The following SETX variants were observed in gnomAD, a reference collection of about 807,000 sequenced individuals.
SETX encodes helicase senataxin.
SETX carries 90 observed loss-of-function variants against 227.2 expected under a neutral mutation model. The observed-to-expected ratio is 0.40, with a 90% CI of 0.33 to 0.47. The LOEUF (loss-of-function observed/expected upper bound fraction) is 0.47, where lower values mean the gene tolerates loss of function less well. SETX is among the 20% of genes least tolerant of loss of function. The probability of loss-of-function intolerance (pLI) is 0.91; values close to 1 mark genes in which losing one functional copy is unlikely to be tolerated. For synonymous variants in SETX, 1,210 were observed against 1,113.2 expected (o/e 1.09, Z -1.73); for missense variants, 3,052 against 3,181.5 (o/e 0.96, Z 0.98).
chr9:132,314,469 C>G (rs932271608), intron 10 of SETX, among the ~76,000 whole-genome samples: 2 of 152,174 alleles, frequency 1.3e-5, no homozygotes, highest in African/African-American at 2.4e-5. Context: ...GGTGATCTAC[C>G]CACCTCGGCC....
chr9:132,278,437 CTTTTTTTTTTTT>C lies in SETX; in HGVS notation c.6655-192_6655-181del, dbSNP rs67558000. 9.6e-3 allele frequency among the ~76,000 whole-genome samples: 810 copies of C among 84,798 alleles called. 1 individual carries two copies. Among genetic ancestry groups the C allele is most frequent in the African/African-American group, 0.014 (365 of 26,572 alleles). 55.6% of individuals were successfully genotyped at this position (84,798 alleles called of 152,430 possible). On this transcript the variant is annotated intron_variant, in intron 20 of 25. Coordinates refer to ENST00000224140, the MANE Select transcript of SETX (RefSeq NM_015046.7). ...CTCTGAGCCTCAAAATGCCATGAAT[CTTTTTTTTTTTT>C]TTTTTTTTTTTTTTTTTTTTTTGGA... is the stretch of plus-strand genomic sequence containing the variant.
rs1286335620 is a variant in SETX at position 132,342,751 on chromosome 9, G to A, written c.437C>T (p.Ser146Phe). The A allele has an allele frequency of 6.2e-7, 1 of 1,613,846 alleles. No individual in the cohort carries two copies. Among genetic ancestry groups the A allele is most frequent in the African/African-American group, 1.3e-5 (1 of 74,890 alleles). Residue 146 changes from serine (S) to phenylalanine (F), a missense_variant, in exon 5 of 26, where the codon TCC becomes TTC. Physicochemically the swap from Ser to Phe is radical, Grantham distance 155 (BLOSUM62 -2). Transcript: ENST00000224140. ...ALCRMEQANC[S>F]FQVFDKHPGI... ...TGGATGTTTATCAAACACCTGAAAG[G>A]AGCAATTGGCTTGTTCCATCCGACA...
chr9:132,286,649 ACT>A (rs1190432809), intron 17 of SETX, among the ~76,000 whole-genome samples, 155 bp from the exon 18 acceptor site: 4 of 152,274 alleles, frequency 2.6e-5, no homozygotes, highest in East Asian at 3.9e-4. Context: ...GTCCTGACAC[ACT>A]CTGTATGCTG....
At chr9:132,351,590 C>T (rs942692114) in intron 2 of SETX, among the ~76,000 whole-genome samples, 1 of 152,156 alleles carries the variant, frequency 6.6e-6, no homozygotes, top group Non-Finnish European at 1.5e-5. Context: ...GCAGAGCACA[C>T]CAACAAGAGA....
At chr9:132,330,632 A>G (rs1847163345) in intron 9 of SETX, 133 bp from the exon 10 acceptor site, 2 of 727,124 alleles carry the variant, frequency 2.8e-6, no homozygotes, top group Admixed American at 2.2e-5. Context: ...ATGCTATACA[A>G]TGGTATAATT....
At chr9:132,331,879 C>A (rs977720454) in intron 7 of SETX, among the ~76,000 whole-genome samples, 1 of 152,142 alleles carries the variant, frequency 6.6e-6, no homozygotes, top group African/African-American at 2.4e-5. Context: ...GAGAAAGAAA[C>A]TTGGTATTTA....
At chr9:132,285,041 G>A (rs1478239094) in intron 18 of SETX, among the ~76,000 whole-genome samples, 2 of 152,138 alleles carry the variant, frequency 1.3e-5, no homozygotes, top group East Asian at 3.9e-4. Flanking sequence ...ACCACGCCCA[G>A]CTAATTTTTT....
intron 13 of SETX, 91 bp downstream of exon 13, chr9:132,297,989 T>C (rs888197577): frequency 1.8e-6 from 2 of 1,094,872 alleles, no homozygotes; most frequent in Non-Finnish European, 2.8e-6. Flanking sequence ...CACATTTTTG[T>C]TGTAAACATA....
At chr9:132,267,109 G>A (rs1842686253) in intron 25 of SETX, among the ~76,000 whole-genome samples, 1 of 152,162 alleles carries the variant, frequency 6.6e-6, no homozygotes, top group South Asian at 2.1e-4. Flanking sequence ...TCTAATAATG[G>A]TACATAAAAT....
chr9:132,329,374 C>T lies in SETX; in HGVS notation c.2224G>A (p.Val742Ile). The change falls in exon 10 of 26, where the codon GTA becomes ATA. Residue 742 changes from valine (V) to isoleucine (I), a missense_variant. Around this residue, in one of 10 missense-constraint regions of SETX, gnomAD observed 1,483 missense variants for 1,312.0 expected, o/e 1.13. Coordinates refer to ENST00000224140, the MANE Select transcript of SETX (RefSeq NM_015046.7). ...GAATCAGTCAACAAACGTGTTGATA[C>T]TATTATTCCTCTGTCACATCCCCTT... Reference protein sequence around the residue: ...PERGCDRGIIVSTRLLTDSST... With the variant: ...PERGCDRGIIISTRLLTDSST... 1.2e-6 allele frequency: 2 copies of T among 1,613,964 alleles called. No individual in the cohort carries two copies. Among genetic ancestry groups the T allele is most frequent in the South Asian group, 1.1e-5 (1 of 91,078 alleles).
chr9:132,285,890 A>T (rs912620584), intron 18 of SETX, among the ~76,000 whole-genome samples: 10 of 146,610 alleles, frequency 6.8e-5, no homozygotes, highest in African/African-American at 2.5e-4. Flanking sequence ...AAAAAAAAAA[A>T]ACACAAAAGA....
intron 5 of SETX, among the ~76,000 whole-genome samples, chr9:132,338,332 C>T (rs751080316): frequency 8.3e-4 from 127 of 152,174 alleles, no homozygotes; most frequent in Non-Finnish European, 1.4e-3. Context: ...ACCTCATGAT[C>T]CACCCACCTC....
intron 23 of SETX, among the ~76,000 whole-genome samples, chr9:132,273,062 G>C (rs570712324): frequency 6.6e-6 from 1 of 151,906 alleles, no homozygotes; most frequent in African/African-American, 2.4e-5. Context: ...GGAAGACCTT[G>C]TCTCTACTAA....
At chr9:132,346,591 G>A (rs969054212) in intron 3 of SETX, 120 bp from the exon 4 acceptor site, 23 of 725,946 alleles carry the variant, frequency 3.2e-5, no homozygotes, top group Non-Finnish European at 5.2e-5. Context: ...AAGTATTAGA[G>A]CTTGTATTTT....
At chr9:132,354,688 C>T (rs1302340157) in intron 1 of SETX, among the ~76,000 whole-genome samples, 1 of 151,802 alleles carries the variant, frequency 6.6e-6, no homozygotes, top group Admixed American at 6.6e-5. Context: ...GACAGGGGGT[C>T]GCAGCGGCCG....
chr9:132,317,605 T>G (rs1028572615), intron 10 of SETX, among the ~76,000 whole-genome samples: 2 of 152,054 alleles, frequency 1.3e-5, no homozygotes, highest in Admixed American at 1.3e-4. Context: ...CTTTCTTTGG[T>G]TCATGTTTGT....
At chr9:132,333,405 A>ATAT (rs1847377696) in intron 7 of SETX, among the ~76,000 whole-genome samples, 1 of 72,118 alleles carries the variant, frequency 1.4e-5, no homozygotes. Flanking sequence ...AAAGAAAAAA[A>ATAT]AAAATATATA....
intron 4 of SETX, 78 bp downstream of exon 4, chr9:132,346,183 C>T (rs1425564371): frequency 1.8e-5 from 21 of 1,160,306 alleles, no homozygotes; most frequent in African/African-American, 6.2e-5. Context: ...AACAAATTTG[C>T]AATATAGATA....
chr9:132,348,342 AAG>A (rs1354211054), intron 3 of SETX, among the ~76,000 whole-genome samples: 2 of 142,228 alleles, frequency 1.4e-5, no homozygotes, highest in East Asian at 4.2e-4. Context: ...CAGCCTGGAC[AAG>A]AGAGTGAGAC....
Sources: allele counts gnomAD v4.1 joint callset (sites outside exome capture counted in the v4.1 genomes callset), GRCh38; gene constraint gnomAD v4.1.1; regional missense constraint gnomAD v4.1.1; transcripts MANE v1.5; gene names NCBI Gene and HGNC (gene_info 2026-07-23, HGNC 2026-07-21).